Variants in MAD1L1 observed in about 807,000 individuals in gnomAD.
MAD1L1 encodes mitotic arrest deficient 1 like 1, also known as mitotic spindle assembly checkpoint protein MAD1.
Under a neutral mutation model 96.9 loss-of-function variants are expected in MAD1L1, and 95 were observed. That is an observed-to-expected ratio of 0.98 (90% confidence interval 0.83 to 1.16). The LOEUF is 1.16. Among genes scored for constraint, MAD1L1 ranks in the 50% most tolerant of loss-of-function variants. The probability of loss-of-function intolerance (pLI) is 0.00; values close to 1 mark genes in which losing one functional copy is unlikely to be tolerated. For synonymous variants in MAD1L1, 473 were observed against 396.6 expected (o/e 1.19, Z -2.29); for missense variants, 1,007 against 954.4 (o/e 1.06, Z -0.73).
rs1787101162 is a variant in MAD1L1 at position 1,899,389 on chromosome 7, G to C, written c.1808-999C>G. ...CCTCCAGGGGCCTGGGACTGCTCCA[G>C]GCGGGGACGGGAGCCTGCTGGACCC... On this transcript the variant is annotated intron_variant, in intron 17 of 18. Coordinates refer to ENST00000265854, the MANE Select transcript of MAD1L1 (RefSeq NM_001013836.2). Among the ~76,000 whole-genome samples the C allele has an allele frequency of 2.0e-5, 3 of 152,186 alleles. No individual in the cohort carries two copies. In the South Asian group the frequency reaches 6.2e-4, roughly 32 times the overall value.
At chr7:2,182,310 C>T (rs1791238668) in intron 10 of MAD1L1, among the ~76,000 whole-genome samples, 1 of 151,284 alleles carries the variant, frequency 6.6e-6, no homozygotes, top group Non-Finnish European at 1.5e-5. Context: ...CACTCCACAC[C>T]CACGAGGCTA....
chr7:2,043,647 G>A (rs575033425), intron 12 of MAD1L1, among the ~76,000 whole-genome samples: 7 of 152,192 alleles, frequency 4.6e-5, no homozygotes, highest in South Asian at 2.1e-4. Context: ...GGCCTGGGGG[G>A]GCTGGGGATC....
chr7:2,043,429 T>C (rs2128512333), intron 12 of MAD1L1, among the ~76,000 whole-genome samples: 1 of 152,320 alleles, frequency 6.6e-6, no homozygotes, highest in Non-Finnish European at 1.5e-5. Flanking sequence ...TTAACTTTAA[T>C]CCTCCAAAAA....
Position 1,943,616 on chromosome 7 carries a change from G to A in MAD1L1, c.1597-6719C>T, listed in dbSNP as rs1383970609. ...CGGCTGGGAAGTCACGCAACAACACGTTGGTGAGGATGGGGATAAACTGGA... is the reference window on the plus strand; with the variant it reads ...CGGCTGGGAAGTCACGCAACAACACATTGGTGAGGATGGGGATAAACTGGA... On this transcript the variant is annotated intron_variant, in intron 16 of 18. Coordinates refer to ENST00000265854, the MANE Select transcript of MAD1L1 (RefSeq NM_001013836.2). 3.9e-5 allele frequency among the ~76,000 whole-genome samples: 6 copies of A among 152,152 alleles called. No homozygotes were observed. The South Asian group carries it at 8.3e-4, about 21-fold the overall frequency.
chr7:2,016,233 C>A (rs551273794), intron 12 of MAD1L1, among the ~76,000 whole-genome samples: 45 of 152,332 alleles, frequency 3.0e-4, no homozygotes, highest in African/African-American at 8.9e-4. Flanking sequence ...ACATGCTGCG[C>A]AAGGGGCCAA....
At chr7:2,124,755 G>A (rs113585093) in intron 11 of MAD1L1, among the ~76,000 whole-genome samples, 4,498 of 152,296 alleles carry the variant, frequency 0.03, 100 homozygotes, top group Non-Finnish European at 0.045. Flanking sequence ...TTCCACCTGG[G>A]TGCCCGGCGC....
intron 12 of MAD1L1, among the ~76,000 whole-genome samples, chr7:2,041,666 C>T (rs191285149): frequency 1.3e-5 from 2 of 152,370 alleles, no homozygotes; most frequent in Admixed American, 1.3e-4. Context: ...TGGGTCACGA[C>T]TGACGCTTGA....
chr7:2,083,302 C>A, intron 11 of MAD1L1, among the ~76,000 whole-genome samples: 1 of 152,182 alleles, frequency 6.6e-6, no homozygotes, highest in East Asian at 1.9e-4. Context: ...TCCTCCGTGC[C>A]GGGCGGGGGG....
intron 1 of MAD1L1, among the ~76,000 whole-genome samples, chr7:2,231,858 T>C (rs984310406): frequency 6.6e-6 from 1 of 152,024 alleles, no homozygotes; most frequent in African/African-American, 2.4e-5. Flanking sequence ...TGAAATCTAC[T>C]TGCAAAGTTG....
At chr7:1,971,406 C>T (rs1018231363) in intron 15 of MAD1L1, among the ~76,000 whole-genome samples, 1 of 152,066 alleles carries the variant, frequency 6.6e-6, no homozygotes, top group Non-Finnish European at 1.5e-5. Flanking sequence ...TAGGTGAAAA[C>T]GCGAAACCAC....
intron 11 of MAD1L1, among the ~76,000 whole-genome samples, chr7:2,102,086 C>T (rs1786808134): frequency 6.6e-6 from 1 of 152,068 alleles, no homozygotes; most frequent in Non-Finnish European, 1.5e-5. Flanking sequence ...GGTGAAAACG[C>T]AGGCTAGGTC....
At chr7:2,080,660 C>A (rs1785595781) in intron 11 of MAD1L1, among the ~76,000 whole-genome samples, 1 of 152,188 alleles carries the variant, frequency 6.6e-6, no homozygotes, top group African/African-American at 2.4e-5. Flanking sequence ...AAGTCCATCC[C>A]CAGGCAGCTG....
intron 10 of MAD1L1, among the ~76,000 whole-genome samples, chr7:2,150,796 G>T (rs1274690647): frequency 6.6e-6 from 1 of 152,178 alleles, no homozygotes; most frequent in African/African-American, 2.4e-5. Context: ...CACAGAGCAC[G>T]CCACGGCCTT....
At chr7:1,851,319 C>A (rs1206908681) in intron 18 of MAD1L1, among the ~76,000 whole-genome samples, 1 of 152,158 alleles carries the variant, frequency 6.6e-6, no homozygotes, top group Non-Finnish European at 1.5e-5. Context: ...ATGGCTGAGC[C>A]CATGGAGAAG....
chr7:2,197,287 C>T (rs1792041462), intron 10 of MAD1L1, among the ~76,000 whole-genome samples: 4 of 152,198 alleles, frequency 2.6e-5, no homozygotes, highest in Admixed American at 1.3e-4. Context: ...CACGCTTGAC[C>T]TAGCAGACAT....
intron 17 of MAD1L1, among the ~76,000 whole-genome samples, chr7:1,900,335 C>G (rs1474606956): frequency 6.6e-6 from 1 of 152,212 alleles, no homozygotes; most frequent in East Asian, 1.9e-4. Context: ...GATATGGGGC[C>G]TGTACAACCG....
chr7:1,857,483 G>A (rs1057256179), intron 18 of MAD1L1, among the ~76,000 whole-genome samples: 6 of 152,158 alleles, frequency 3.9e-5, no homozygotes, highest in African/African-American at 1.2e-4. Context: ...CCCACCCCGC[G>A]TGTGCAGCTG....
At chr7:1,891,288 G>A (rs1786522920) in intron 18 of MAD1L1, among the ~76,000 whole-genome samples, 1 of 152,014 alleles carries the variant, frequency 6.6e-6, no homozygotes, top group Admixed American at 6.5e-5. Flanking sequence ...CACTTTAGGA[G>A]GCCGAGGAGG....
At chr7:2,024,858 T>C (rs1377442467) in intron 12 of MAD1L1, among the ~76,000 whole-genome samples, 1 of 152,228 alleles carries the variant, frequency 6.6e-6, no homozygotes, top group Non-Finnish European at 1.5e-5. Context: ...GCTTCACTGA[T>C]GAATTCTACC....
Sources: gnomAD v4.1 joint callset for allele counts (sites outside exome capture counted in the v4.1 genomes callset) on GRCh38, gnomAD v4.1.1 for gene constraint, MANE v1.5 for transcripts, NCBI Gene and HGNC (gene_info 2026-07-23, HGNC 2026-07-21) for gene names.